BSN: variants seen among roughly 807,000 people sequenced by gnomAD.
BSN encodes protein bassoon.
A neutral mutation model predicts 264.8 loss-of-function variants in BSN; 57 were observed. The observed-to-expected ratio is 0.22, with a 90% confidence interval of 0.17 to 0.27. The LOEUF is 0.27. Ranked by LOEUF, BSN falls within the 10% of genes least tolerant of loss-of-function variation. The probability of loss-of-function intolerance (pLI) is 1.00; values close to 1 mark genes in which losing one functional copy is unlikely to be tolerated. For synonymous variants in BSN, 2,059 were observed against 2,137.3 expected, an observed-to-expected ratio of 0.96 and a Z score of 1.01; for missense variants, 4,615 against 5,232.5, an observed-to-expected ratio of 0.88 and a Z score of 3.64.
At chr3:49,671,718 G>A (rs574771152), downstream of BSN, among the ~76,000 whole-genome samples, 25 of 152,352 alleles carry the variant, frequency 1.6e-4, no homozygotes, top group African/African-American at 5.8e-4. The surrounding 1 kb of genome is among the most constrained non-coding windows in gnomAD (Gnocchi z 4.1). Context: ...AAGACAATGG[G>A]CCCTCCACAA....
chr3:49,584,113 C>T (rs1428006104), intron 1 of BSN, among the ~76,000 whole-genome samples: 1 of 152,024 alleles, frequency 6.6e-6, no homozygotes, highest in African/African-American at 2.4e-5. Flanking sequence ...TCTCGATCTC[C>T]TGACCTCGTG....
chr3:49,643,139 C>T lies in BSN; in HGVS notation c.1505C>T (p.Pro502Leu), dbSNP rs1388148219. 1 of 1,608,250 alleles carries T rather than the reference C, an allele frequency of 6.2e-7. No homozygotes were observed. Among genetic ancestry groups the T allele is most frequent in the Non-Finnish European group, 8.5e-7 (1 of 1,175,834 alleles). ...AACCTGTGTGGCTTCAACCCAACAC[C>T]CCACCTGGTGGAGGTAAGAGCTGGA... The part of the protein sequence containing the change: ...VCNLCGFNPT[P>L]HLVEKTEWLC... Residue 502 changes from proline to leucine, a missense_variant, in exon 3 of 12, where the codon CCC becomes CTC. Around this residue, in one of 3 missense-constraint regions of BSN, gnomAD observed 1,197 missense variants for 1,348.0 expected, o/e 0.89. Coordinates refer to ENST00000296452, the MANE Select transcript of BSN (RefSeq NM_003458.4).
intron 1 of BSN, among the ~76,000 whole-genome samples, chr3:49,586,326 C>CTGTA (rs2051937339): frequency 6.7e-6 from 1 of 149,496 alleles, no homozygotes; most frequent in African/African-American, 2.5e-5. Flanking sequence ...GTTTTCCCAG[C>CTGTA]TCTATCTATC....
chr3:49,605,645 A>T (rs1180620365), intron 1 of BSN, among the ~76,000 whole-genome samples: 1 of 36,188 alleles, frequency 2.8e-5, no homozygotes, highest in Non-Finnish European at 4.6e-5. Context: ...ACATATATGT[A>T]ATATATATTA....
chr3:49,593,310 A>T (rs2051994685), intron 1 of BSN, among the ~76,000 whole-genome samples: 1 of 152,204 alleles, frequency 6.6e-6, no homozygotes, highest in African/African-American at 2.4e-5. Flanking sequence ...GTTGAAGGTC[A>T]TCTGGGCTGA....
chr3:49,583,615 AAATAAAATTTTTAAAAAAT>A lies in BSN; in HGVS notation c.224+28792_224+28810del, dbSNP rs527923560. On this transcript the variant is annotated intron_variant, in intron 1 of 11. Coordinates refer to ENST00000296452, the MANE Select transcript of BSN (RefSeq NM_003458.4). ...ACAGAGCAAGACCCTGTCTGTTATA[AAATAAAATTTTTAAAAAAT>A]AAATTCTTTTTCAATGGTTAGTAGG... 1.9e-3 allele frequency among the ~76,000 whole-genome samples: 295 copies of A among 152,272 alleles called. 2 individuals are homozygous for A. Among genetic ancestry groups the A allele is most frequent in the African/African-American group, 6.7e-3 (280 of 41,546 alleles).
chr3:49,594,959 C>CGGCTCACTGCCGTCTCT lies in BSN; in HGVS notation c.225-30014_225-29998dup, dbSNP rs2052010365. ...AGGCTGGAGTGCAGTGGCACAATCTCGGCTCACTGCCGTCTCTGCCTCCCA... is the reference window on the plus strand; with the variant it reads ...AGGCTGGAGTGCAGTGGCACAATCTCGGCTCACTGCCGTCTCTGGCTCACTGCCGTCTCTGCCTCCCA... On this transcript the variant is annotated intron_variant, in intron 1 of 11. Transcript: ENST00000296452. Among the ~76,000 whole-genome samples, 14 of 149,538 alleles carry CGGCTCACTGCCGTCTCT rather than the reference C, an allele frequency of 9.4e-5. 1 individual carries two copies. In the South Asian group the frequency reaches 2.9e-3, roughly 31 times the overall value.
rs751134510 is a variant in BSN at position 49,654,640 on chromosome 3, A to G, written c.5084A>G (p.Lys1695Arg). Residue 1695 changes from lysine (K) to arginine (R), a missense_variant, in exon 5 of 12, where the codon AAG becomes AGG. Transcript: ENST00000296452. The surrounding 1 kb of genome is among the most constrained non-coding windows in gnomAD (Gnocchi z 4.1). ...DLTSLAVEAR[K>R]YGLALDPIPG... ...ACCTCTCTTGCTGTGGAAGCGAGGA[A>G]GTATGGTCTTGCCCTGGATCCAATC... The G allele has an allele frequency of 1.9e-6, 3 of 1,613,984 alleles. No individual in the cohort carries two copies. The Admixed American group carries it at 5.0e-5, about 27-fold the overall frequency.
intron 1 of BSN, among the ~76,000 whole-genome samples, chr3:49,568,347 T>G (rs2051770195): frequency 6.6e-6 from 1 of 152,208 alleles, no homozygotes; most frequent in South Asian, 2.1e-4. Flanking sequence ...TTTTTAAAAT[T>G]TAATTTTTAA....
intron 1 of BSN, among the ~76,000 whole-genome samples, chr3:49,620,725 A>G (rs2052298916): frequency 6.6e-6 from 1 of 152,202 alleles, no homozygotes; most frequent in Non-Finnish European, 1.5e-5. Context: ...TTGGTGGCTC[A>G]TGCCTGTAAT....
rs1397125794 is a variant in BSN at position 49,655,499 on chromosome 3, C to T, written c.5943C>T (p.Tyr1981=). 5 of 1,603,734 alleles carry T rather than the reference C, an allele frequency of 3.1e-6. No individual in the cohort carries two copies. In the African/African-American group the frequency reaches 6.7e-5, roughly 21 times the overall value. Residue 1981 remains tyrosine, a synonymous_variant, in exon 5 of 12, where the codon TAC becomes TAT. Transcript: ENST00000296452. ...CACAAGGCCTGCCTGGTAGGCTGTA[C>T]TCCTCCATGTCTGACACCAATTTGG... ...PYPQGLPGRL[Y]SSMSDTNLAE...
chr3:49,566,161 AAAC>A (rs2108002849), intron 1 of BSN, among the ~76,000 whole-genome samples: 1 of 152,364 alleles, frequency 6.6e-6, no homozygotes, highest in Admixed American at 6.5e-5. Context: ...AACAGTATCC[AAAC>A]AACGTCTACA....
chr3:49,605,726 G>GTATATAATATATAAATA (rs1311961519), intron 1 of BSN, among the ~76,000 whole-genome samples: 6 of 25,474 alleles, frequency 2.4e-4, no homozygotes, highest in Non-Finnish European at 3.7e-4. Context: ...ACATATAAAT[G>GTATATAATATATAAATA]TATATAATAT....
Position 49,664,863 on chromosome 3 carries a change from A to G in BSN, c.*14+10A>G. On this transcript the variant is annotated intron_variant, in intron 10 of 11. Coordinates refer to ENST00000296452, the MANE Select transcript of BSN (RefSeq NM_003458.4). ...GACCATGCCCAGCATGGTGAGTACA[A>G]GCAGCCTGTACCTTGCCTCTTCTGG... 1 of 1,596,516 alleles carries G rather than the reference A, an allele frequency of 6.3e-7. No homozygotes were observed. Among genetic ancestry groups the G allele is most frequent in the Non-Finnish European group, 8.6e-7 (1 of 1,168,180 alleles).
Position 49,625,004 on chromosome 3 carries a change from C to A in BSN, c.254C>A (p.Pro85His), listed in dbSNP as rs556039010. The A allele has an allele frequency of 1.3e-6, 2 of 1,548,074 alleles. No homozygotes were observed. Among genetic ancestry groups the A allele is most frequent in the Middle Eastern group, 1.7e-4 (1 of 5,726 alleles). The change falls in exon 2 of 12, where the codon CCC becomes CAC. Residue 85 changes from proline to histidine, a missense_variant. Pro to His is a moderately conservative substitution (Grantham distance 77). Transcript: ENST00000296452. This position sits in a 1 kb window ranked among gnomAD's most constrained non-coding sequence, Gnocchi z 4.4. ...TCCCGGAGACTGGACCCCAAGGAAC[C>A]CCTGGGTAACCAGAGAGCAGCTTCC... ...STSRRLDPKE[P>H]LGNQRAASPT...
intron 1 of BSN, among the ~76,000 whole-genome samples, chr3:49,570,239 G>A (rs914782937): frequency 6.6e-6 from 1 of 152,154 alleles, no homozygotes; most frequent in Non-Finnish European, 1.5e-5. Flanking sequence ...GTCAGAAGGG[G>A]GTTTCCTGCC....
Position 49,663,214 on chromosome 3 carries a change from A to G in BSN, c.11056A>G (p.Ser3686Gly). 1 of 1,614,064 alleles carries G rather than the reference A, an allele frequency of 6.2e-7. No homozygotes were observed. The highest frequency in any genetic ancestry group is 8.5e-7 in the Non-Finnish European group (1 of 1,180,016). Reference protein sequence around the residue: ...RHEARPHSQPSSAPAMPKKGQ... With the variant: ...RHEARPHSQPGSAPAMPKKGQ... Reference sequence around the variant, plus strand: ...TGAGGCCCGGCCCCACTCTCAGCCCAGCTCTGCTCCAGCTATGCCGAAGAA... The same window carrying G: ...TGAGGCCCGGCCCCACTCTCAGCCCGGCTCTGCTCCAGCTATGCCGAAGAA... The change falls in exon 7 of 12, where the codon AGC becomes GGC. Residue 3686 changes from serine to glycine, a missense_variant. Around this residue, in one of 3 missense-constraint regions of BSN, gnomAD observed 3,415 missense variants for 3,866.4 expected, o/e 0.88. Coordinates refer to ENST00000296452, the MANE Select transcript of BSN (RefSeq NM_003458.4).
intron 2 of BSN, among the ~76,000 whole-genome samples, chr3:49,634,517 A>C (rs2052407062): frequency 6.6e-6 from 1 of 152,158 alleles, no homozygotes; most frequent in African/African-American, 2.4e-5. Context: ...CCAGCCTCCC[A>C]AGTAGCTGGG....
Position 49,661,483 on chromosome 3 carries a change from C to G in BSN, c.9638C>G (p.Thr3213Ser), listed in dbSNP as rs371979176. The change falls in exon 6 of 12, where the codon ACC becomes AGC. Residue 3213 changes from threonine (T) to serine (S), a missense_variant. Physicochemically the swap from Thr to Ser is moderately conservative, Grantham distance 58. Around this residue, in one of 3 missense-constraint regions of BSN, gnomAD observed 3,415 missense variants for 3,866.4 expected, o/e 0.88. Coordinates refer to ENST00000296452, the MANE Select transcript of BSN (RefSeq NM_003458.4). ...AGTGTGAGCCAGAGCCCAGCCCCCA[C>G]CTACCCCTCTGACTCACACTATACC... is the stretch of plus-strand genomic sequence containing the variant. ...RGSVSQSPAP[T>S]YPSDSHYTSL... is the part of the protein sequence containing the mutation. The G allele has an allele frequency of 5.7e-5, 92 of 1,613,944 alleles. No homozygotes were observed. Among genetic ancestry groups the G allele is most frequent in the Non-Finnish European group, 7.5e-5 (89 of 1,180,052 alleles).
Sources: allele counts gnomAD v4.1 joint callset (sites outside exome capture counted in the v4.1 genomes callset), GRCh38; gene constraint gnomAD v4.1.1; regional missense constraint gnomAD v4.1.1; non-coding constraint Gnocchi (gnomAD v3.1); transcripts MANE v1.5; gene names NCBI Gene and HGNC (gene_info 2026-07-23, HGNC 2026-07-21).